The following CACNA1S variants were observed in gnomAD, a reference collection of about 807,000 sequenced individuals.
CACNA1S encodes the protein voltage-dependent L-type calcium channel subunit alpha-1S.
A neutral mutation model predicts 207.4 loss-of-function variants in CACNA1S; 126 were observed. That is an observed-to-expected ratio of 0.61 (90% CI 0.53 to 0.70). CACNA1S has a LOEUF of 0.70. CACNA1S is among the 30% of genes least tolerant of loss of function. The pLI is 0.00. For missense variants in CACNA1S, 2,349 were observed against 2,422.8 expected, an observed-to-expected ratio of 0.97 and a Z score of 0.64; for synonymous variants, 960 against 932.7, an observed-to-expected ratio of 1.03 and a Z score of -0.53.
chr1:201,051,400 A>C (rs866558772), intron 32 of CACNA1S, among the ~76,000 whole-genome samples: 1 of 152,176 alleles, frequency 6.6e-6, no homozygotes, highest in African/African-American at 2.4e-5. Context: ...ATCTGATTCA[A>C]GTTACTAGAG....
At chr1:201,094,170 C>G (rs894623230) in intron 2 of CACNA1S, 149 bp from the exon 3 acceptor site, 74 of 801,440 alleles carry the variant, frequency 9.2e-5, no homozygotes, top group Non-Finnish European at 4.8e-5. Context: ...CCTACCCCCC[C>G]ACTCCACACC....
chr1:201,069,013 T>C (rs1379082822), intron 19 of CACNA1S, 124 bp downstream of exon 19: 2 of 864,990 alleles, frequency 2.3e-6, no homozygotes, highest in Non-Finnish European at 3.9e-6. Context: ...CTGGGTCCCA[T>C]GAGTCTTTCC....
chr1:201,049,785 C>T (rs1230340444), intron 34 of CACNA1S, among the ~76,000 whole-genome samples: 1 of 152,174 alleles, frequency 6.6e-6, no homozygotes, highest in African/African-American at 2.4e-5. Context: ...CTTTAAAGCA[C>T]GGTTGCTATA....
rs1009296918 is a variant in CACNA1S, at chr1:201,110,094, C to T, written c.258+70G>A. The T allele has an allele frequency of 5.1e-6, 7 of 1,365,230 alleles. No individual in the cohort carries two copies. The African/African-American group carries it at 5.7e-5, about 11-fold the overall frequency. The allele number at this position is 1,365,230 out of a possible 1,614,324, so 84.6% of individuals were successfully genotyped here. Reference sequence around the variant, plus strand: ...CCGGCACCATCCCCCAGAACAGAGTCCACCAAGGGGGCCTCCCCAAGCCTG... The same window carrying T: ...CCGGCACCATCCCCCAGAACAGAGTTCACCAAGGGGGCCTCCCCAAGCCTG... On this transcript the variant is annotated intron_variant, in intron 2 of 43. Transcript: ENST00000362061.
rs1437171623 is a variant in CACNA1S, at chr1:201,063,561, T to A, written c.2854-1047A>T. On this transcript the variant is annotated intron_variant, in intron 22 of 43. Coordinates refer to ENST00000362061, the MANE Select transcript of CACNA1S (RefSeq NM_000069.3). ...GCCTCGGCTTCCCAAATTGCCGGGA[T>A]TACAGGCATGAGCCACCGCGTCCAG... is the stretch of plus-strand genomic sequence containing the variant. Among the ~76,000 whole-genome samples the A allele has an allele frequency of 2.0e-5, 3 of 152,154 alleles. No individual in the cohort carries two copies. In the East Asian group the frequency reaches 5.8e-4, roughly 29 times the overall value.
intron 13 of CACNA1S, among the ~76,000 whole-genome samples, chr1:201,074,986 G>A (rs549655518): frequency 6.6e-6 from 1 of 152,060 alleles, no homozygotes; most frequent in African/African-American, 2.4e-5. Context: ...ACATTCCAAG[G>A]TGCAGGCACC....
chr1:201,052,920 C>T (rs1286958731), intron 31 of CACNA1S, among the ~76,000 whole-genome samples: 3 of 152,038 alleles, frequency 2.0e-5, no homozygotes, highest in Non-Finnish European at 4.4e-5. Flanking sequence ...GGGGGAAGTG[C>T]TCTCAGGGGA....
chr1:201,040,058 T>TGC lies in CACNA1S; in HGVS notation c.5393_5394dup (p.Thr1799AlafsTer36). 6.2e-7 allele frequency: 1 copy of TGC among 1,614,194 alleles called. No homozygotes were observed. Among genetic ancestry groups the TGC allele is most frequent in the Non-Finnish European group, 8.5e-7 (1 of 1,180,016 alleles). On this transcript the variant is annotated frameshift_variant, in exon 44 of 44. Coordinates refer to ENST00000362061, the MANE Select transcript of CACNA1S (RefSeq NM_000069.3). LOFTEE classifies it low-confidence loss of function (END_TRUNC). The stretch of plus-strand genomic sequence containing the variant: ...ATGAAGTTTGCATCAGCTGCCAAGG[T>TGC]GCCCAGGCCCCCTCGAACCAGAGCC...
In CACNA1S at chr1:201,061,928, C is replaced by T. The variant is rs1661063504; in HGVS notation, c.3053+16G>A. 2 of 1,613,938 alleles carry T rather than the reference C, an allele frequency of 1.2e-6. No homozygotes were observed. Among genetic ancestry groups the T allele is most frequent in the African/African-American group, 2.7e-5 (2 of 74,924 alleles). On this transcript the variant is annotated intron_variant, in intron 24 of 43. Transcript: ENST00000362061. ...GACCATGTCCATGAGGGACCTAGGC[C>T]CCAGCCATCACTCACTGAGGCCATC...
chr1:201,048,764 A>G, intron 35 of CACNA1S, 80 bp from the exon 36 acceptor site: 1 of 1,278,458 alleles, frequency 7.8e-7, no homozygotes, highest in Non-Finnish European at 1.1e-6. Context: ...CGGTCTGTGG[A>G]CCGGGAGGGG....
In CACNA1S at chr1:201,110,244, T is replaced by C; in HGVS notation, c.178A>G (p.Thr60Ala). ...WKPFETIILL[T>A]IFANCVALAV... is the part of the protein sequence containing the mutation. ...AGGGCCACACAATTGGCAAAGATGG[T>C]GAGCAAGATGATCGTCTCGAAGGGC... Residue 60 changes from threonine to alanine, a missense_variant, in exon 2 of 44, where the codon ACC becomes GCC. Physicochemically the swap from Thr to Ala is moderately conservative, Grantham distance 58 (BLOSUM62 0). Transcript: ENST00000362061. 1 of 1,614,154 alleles carries C rather than the reference T, an allele frequency of 6.2e-7. No homozygotes were observed.
rs776228535 is a variant in CACNA1S at position 201,077,872 on chromosome 1, C to T, written c.1619+7G>A. 2 of 1,609,622 alleles carry T rather than the reference C, an allele frequency of 1.2e-6. No homozygotes were observed. Among genetic ancestry groups the T allele is most frequent in the South Asian group, 2.2e-5 (2 of 90,974 alleles). ...ACCCGGGAGTGCCAGCCGACCCCGG[C>T]ACTCACTTGGTGATCTTGAAGATCC... On this transcript the variant is annotated splice_region_variant and intron_variant, in intron 11 of 43. Coordinates refer to ENST00000362061, the MANE Select transcript of CACNA1S (RefSeq NM_000069.3).
At chr1:201,067,299 T>G (rs1661282545) in intron 19 of CACNA1S, among the ~76,000 whole-genome samples, 1 of 152,110 alleles carries the variant, frequency 6.6e-6, no homozygotes, top group Admixed American at 6.5e-5. Flanking sequence ...GGCCCTACTG[T>G]CTCCTGTGGG....
chr1:201,047,586 G>C lies in CACNA1S; in HGVS notation c.4482C>G (p.Ile1494Met). 1 of 1,614,226 alleles carries C rather than the reference G, an allele frequency of 6.2e-7. No individual in the cohort carries two copies. Among genetic ancestry groups the C allele is most frequent in the Non-Finnish European group, 8.5e-7 (1 of 1,180,032 alleles). Reference protein sequence around the residue: ...EQANEELRAIIKKIWKRTSMK... With the variant: ...EQANEELRAIMKKIWKRTSMK... ...TGCTGGTTCTCTTCCAGATCTTCTTGATGATGGCCCTCAGCTCCTCGTTGG... is the reference window on the plus strand; with the variant it reads ...TGCTGGTTCTCTTCCAGATCTTCTTCATGATGGCCCTCAGCTCCTCGTTGG... The change falls in exon 37 of 44, where the codon ATC becomes ATG. Residue 1494 changes from isoleucine (I) to methionine (M), a missense_variant. Coordinates refer to ENST00000362061, the MANE Select transcript of CACNA1S (RefSeq NM_000069.3).
At position 201,078,102 on chromosome 1, in the gene CACNA1S, T is replaced by C. The variant is rs144372883; in HGVS notation, c.1396A>G (p.Ile466Val). 6 of 1,612,946 alleles carry C rather than the reference T, an allele frequency of 3.7e-6. No individual in the cohort carries two copies. The South Asian group carries it at 6.6e-5, about 18-fold the overall frequency. The change falls in exon 11 of 44, where the codon ATT becomes GTT. Residue 466 changes from isoleucine (I) to valine (V), a missense_variant and splice_region_variant. Ile to Val is a conservative substitution (Grantham distance 29). Transcript: ENST00000362061. ...AGGGACAGCAGCACCCGGTTGGCAA[T>C]GTCTGTAGGGTTGGTGGCACAGCCC... ...QPLWLTRLQD[I>V]ANRVLLSLFT...
At chr1:201,074,454 C>A in intron 14 of CACNA1S, 52 bp downstream of exon 14, 1 of 1,147,586 alleles carries the variant, frequency 8.7e-7, no homozygotes, top group Admixed American at 1.8e-5. Context: ...AGCTGGAAGG[C>A]CATGGCCACG....
At chr1:201,043,582 G>T in intron 39 of CACNA1S, 51 bp from the exon 40 acceptor site, 6 of 1,555,756 alleles carry the variant, frequency 3.9e-6, no homozygotes, top group Non-Finnish European at 5.3e-6. Context: ...GGGAGGGCAT[G>T]GGGGGCTGTC....
rs1030557258 is a variant in CACNA1S at position 201,070,413 on chromosome 1, A to T, written c.2228-9T>A. 1 of 1,612,890 alleles carries T rather than the reference A, an allele frequency of 6.2e-7. No individual in the cohort carries two copies. The highest frequency in any genetic ancestry group is 2.2e-5 in the East Asian group (1 of 44,876). ...ATCTTCCTCGTCATCCCCTGTGGGG[A>T]GAGAGAGAGGAATTAGGGGTGTCTT... is the stretch of plus-strand genomic sequence containing the variant. On this transcript the variant is annotated splice_polypyrimidine_tract_variant and intron_variant, in intron 16 of 43. Transcript: ENST00000362061.
intron 36 of CACNA1S, 85 bp from the exon 37 acceptor site, chr1:201,047,711 C>A: frequency 1.1e-6 from 1 of 887,134 alleles, no homozygotes; most frequent in Non-Finnish European, 1.9e-6. Context: ...ACCTTTCAGA[C>A]AGCCAGTCAT....
Sources: allele counts gnomAD v4.1 joint callset (sites outside exome capture counted in the v4.1 genomes callset), GRCh38; gene constraint gnomAD v4.1.1; transcripts MANE v1.5; gene names NCBI Gene and HGNC (gene_info 2026-07-23, HGNC 2026-07-21).